The following FCRL5 variants were observed in gnomAD, a reference collection of about 807,000 sequenced individuals.
FCRL5 encodes the protein Fc receptor like 5.
Under a neutral mutation model 92.1 loss-of-function variants are expected in FCRL5, and 79 were observed. The observed-to-expected ratio is 0.86, with a 90% CI of 0.72 to 1.03. The LOEUF (loss-of-function observed/expected upper bound fraction) is 1.03. Among genes scored for constraint, FCRL5 ranks in the 50% least tolerant of loss-of-function variants. FCRL5 has a pLI of 0.00. For missense variants in FCRL5, 1,160 were observed against 1,181.1 expected (o/e 0.98, Z 0.26); for synonymous variants, 466 against 469.3 (o/e 0.99, Z 0.09).
intron 1 of FCRL5, 99 bp downstream of exon 1, chr1:157,552,233 T>C: frequency 8.5e-7 from 1 of 1,176,194 alleles, no homozygotes; most frequent in East Asian, 2.3e-5. Context: ...GGAGAGAGTC[T>C]CTCAGCAGGG....
At chr1:157,535,099 CTCT>C (rs981400066) in intron 7 of FCRL5, among the ~76,000 whole-genome samples, 4 of 152,186 alleles carry the variant, frequency 2.6e-5, no homozygotes, top group African/African-American at 4.8e-5. Flanking sequence ...GACCAATACT[CTCT>C]TCTTCTCTCA....
At chr1:157,545,616 T>A (rs1228737221) in intron 3 of FCRL5, among the ~76,000 whole-genome samples, 1 of 137,386 alleles carries the variant, frequency 7.3e-6, no homozygotes, top group African/African-American at 2.7e-5. Flanking sequence ...GCAAGCTCCA[T>A]CTCCCGGGTT....
In FCRL5 at chr1:157,521,047, G is replaced by A; in HGVS notation, c.2485C>T (p.Arg829Cys). ...CEADNGLGAQRSETVTLYITG... is the reference protein window; with the variant it reads ...CEADNGLGAQCSETVTLYITG... ...ATATAAAGTGTCACTGTCTCACTGC[G>A]CTGGGCCCCGAGGCCATTGTCGGCC... Residue 829 changes from arginine (R) to cysteine (C), a missense_variant, in exon 11 of 17, where the codon CGC becomes TGC. Transcript: ENST00000361835. 7 of 1,613,122 alleles carry A rather than the reference G, an allele frequency of 4.3e-6. No individual in the cohort carries two copies. Among genetic ancestry groups the A allele is most frequent in the African/African-American group, 1.3e-5 (1 of 74,994 alleles).
At chr1:157,529,694 A>C (rs898395191) in intron 8 of FCRL5, among the ~76,000 whole-genome samples, 3 of 152,226 alleles carry the variant, frequency 2.0e-5, no homozygotes, top group African/African-American at 7.2e-5. Flanking sequence ...GTTGGAGACC[A>C]TTATTCTAAG....
rs2012199 is a variant in FCRL5, at chr1:157,539,235, C to A, written c.1253G>T (p.Gly418Val). Residue 418 changes from glycine to valine, a missense_variant, in exon 7 of 17, where the codon GGT (glycine) becomes GTT (valine). Gly to Val is a moderately radical substitution (Grantham distance 109). Coordinates refer to ENST00000361835, the MANE Select transcript of FCRL5 (RefSeq NM_031281.3). ...LPILYQFHHEGAALERRSANS... is the reference protein window; with the variant it reads ...LPILYQFHHEVAALERRSANS... The stretch of plus-strand genomic sequence containing the variant: ...GGCCGACCTACGCTCCAGGGCAGCA[C>A]CCTCATGATGAAACTGGTACAGGAT... The A allele has an allele frequency of 1.9e-6, 3 of 1,613,964 alleles. No homozygotes were observed. Among genetic ancestry groups the A allele is most frequent in the Non-Finnish European group, 2.5e-6 (3 of 1,180,022 alleles).
intron 8 of FCRL5, chr1:157,528,118 G>T: frequency 2.5e-6 from 1 of 399,498 alleles, no homozygotes. Flanking sequence ...GTTCAGTAAA[G>T]TTTCAGGATA....
In FCRL5 at chr1:157,527,659, G is replaced by A; in HGVS notation, c.1918C>T (p.Leu640=). 6.2e-7 allele frequency: 1 copy of A among 1,613,924 alleles called. No homozygotes were observed. Among genetic ancestry groups the A allele is most frequent in the Non-Finnish European group, 8.5e-7 (1 of 1,179,866 alleles). ...GNYSCEANNG[L]VAQHSDTISL... ...ATTGTGTCACTGTGCTGGGCCACTA[G>A]GCCATTGTTGGCCTCACATGAGTAG... is the stretch of plus-strand genomic sequence containing the variant. The change falls in exon 9 of 17, where the codon CTA becomes TTA. Residue 640 remains leucine, a synonymous_variant. Transcript: ENST00000361835.
At position 157,542,967 on chromosome 1, in the gene FCRL5, C is replaced by T. The variant is rs1427355913; in HGVS notation, c.1015G>A (p.Ala339Thr). ...RHKSVRCERG[A>T]SISFSLTTEN... ...GTAGTCAGTGAGAAGCTGATGGATG[C>T]TCCCCTTTCACAGCGGACTGACTTG... Residue 339 changes from alanine (A) to threonine (T), a missense_variant, in exon 6 of 17, where the codon GCA becomes ACA. Ala to Thr is a moderately conservative substitution (Grantham distance 58, BLOSUM62 0). Coordinates refer to ENST00000361835, the MANE Select transcript of FCRL5 (RefSeq NM_031281.3). 2 of 1,614,104 alleles carry T rather than the reference C, an allele frequency of 1.2e-6. No homozygotes were observed. Among genetic ancestry groups the T allele is most frequent in the African/African-American group, 1.3e-5 (1 of 74,944 alleles).
intron 15 of FCRL5, among the ~76,000 whole-genome samples, chr1:157,517,016 GA>G (rs1344346651): frequency 6.6e-6 from 1 of 152,152 alleles, no homozygotes; most frequent in Non-Finnish European, 1.5e-5. Flanking sequence ...CTTTATATAA[GA>G]AAAATTAGAA....
chr1:157,524,521 G>C lies in FCRL5; in HGVS notation c.1997C>G (p.Pro666Arg), dbSNP rs1179310352. Reference protein sequence around the residue: ...VSRPILTFRAPRAQAVVGDLL... With the variant: ...VSRPILTFRARRAQAVVGDLL... ...GTCCCCCACCACAGCCTGGGCCCTG[G>C]GAGCCCTGAAGGTGAGGATGGGACG... Residue 666 changes from proline to arginine, a missense_variant, in exon 10 of 17, where the codon CCC (proline) becomes CGC (arginine). Coordinates refer to ENST00000361835, the MANE Select transcript of FCRL5 (RefSeq NM_031281.3). 1 of 1,612,946 alleles carries C rather than the reference G, an allele frequency of 6.2e-7. No individual in the cohort carries two copies. The highest frequency in any genetic ancestry group is 2.2e-5 in the East Asian group (1 of 44,882).
chr1:157,547,105 A>C lies in FCRL5; in HGVS notation c.145T>G (p.Phe49Val). 1.9e-6 allele frequency: 3 copies of C among 1,614,172 alleles called. No individual in the cohort carries two copies. The highest frequency in any genetic ancestry group is 2.5e-6 in the Non-Finnish European group (3 of 1,180,040). ...RVTLTCKGFRFYSPQKTKWYH... is the reference protein window; with the variant it reads ...RVTLTCKGFRVYSPQKTKWYH... ...CATTTTGTTTTCTGTGGTGAGTAGA[A>C]GCGAAATCCCTTGCAAGTGAGGGTC... Residue 49 changes from phenylalanine (F) to valine (V), a missense_variant, in exon 3 of 17, where the codon TTC becomes GTC. Physicochemically the swap from Phe to Val is conservative, Grantham distance 50. Coordinates refer to ENST00000361835, the MANE Select transcript of FCRL5 (RefSeq NM_031281.3).
rs1274037577 is a variant in FCRL5, at chr1:157,514,987, C to T, written c.*688G>A. On this transcript the variant is annotated 3_prime_UTR_variant, in exon 17 of 17. Coordinates refer to ENST00000361835, the MANE Select transcript of FCRL5 (RefSeq NM_031281.3). Reference sequence around the variant, plus strand: ...CTCCTGGCCTTGACTTGCTGGGTTACTTCTGTTAGGATGGGAAGAACTTGG... The same window carrying T: ...CTCCTGGCCTTGACTTGCTGGGTTATTTCTGTTAGGATGGGAAGAACTTGG... 6.5e-6 allele frequency: 1 copy of T among 154,138 alleles called. No individual in the cohort carries two copies. The highest frequency in any genetic ancestry group is 1.4e-5 in the Non-Finnish European group (1 of 69,396). The allele number at this position is 154,138 out of a possible 1,614,324, so 9.5% of individuals were successfully genotyped here. A position where few individuals can be genotyped will look rare whatever the true frequency, so the allele number is the denominator to read the frequency against.
chr1:157,536,355 G>A (rs1650971307), intron 7 of FCRL5, among the ~76,000 whole-genome samples: 1 of 152,220 alleles, frequency 6.6e-6, no homozygotes, highest in South Asian at 2.1e-4. Flanking sequence ...CACTCTCACA[G>A]TGAGTGCCTT....
chr1:157,517,868 C>A (rs1311156014), intron 15 of FCRL5, among the ~76,000 whole-genome samples: 1 of 152,010 alleles, frequency 6.6e-6, no homozygotes, highest in Non-Finnish European at 1.5e-5. Flanking sequence ...GGAGGTGGAG[C>A]CTTTGGGTGA....
intron 15 of FCRL5, among the ~76,000 whole-genome samples, chr1:157,517,418 A>G (rs1448813223): frequency 6.6e-6 from 1 of 152,218 alleles, no homozygotes; most frequent in Admixed American, 6.5e-5. Flanking sequence ...AGATGTGATT[A>G]GGATTACAGA....
Position 157,518,447 on chromosome 1 carries a change from C to G in FCRL5, c.2794G>C (p.Glu932Gln). The change falls in exon 15 of 17, where the codon GAG becomes CAG. Residue 932 changes from glutamate (E) to glutamine (Q), a missense_variant. Glu to Gln is a conservative substitution (Grantham distance 29). Transcript: ENST00000361835. Reference sequence around the variant, plus strand: ...GTCTTACCTGCATGTTTCTTTTTCTCTTGGATGATCCGTACTTCTGAGTAA... The same window carrying G: ...GTCTTACCTGCATGTTTCTTTTTCTGTTGGATGATCCGTACTTCTGAGTAA... ...VVYSEVRIIQ[E>Q]KKKHAVASDP... 2 of 1,614,116 alleles carry G rather than the reference C, an allele frequency of 1.2e-6. No homozygotes were observed. Among genetic ancestry groups the G allele is most frequent in the Non-Finnish European group, 1.7e-6 (2 of 1,179,960 alleles).
intron 2 of FCRL5, 50 bp downstream of exon 2, chr1:157,549,510 G>C (rs1651714500): frequency 6.4e-7 from 1 of 1,557,934 alleles, no homozygotes; most frequent in Non-Finnish European, 8.8e-7. Flanking sequence ...TTATTAGGAA[G>C]AGACACTCTT....
chr1:157,523,120 C>T (rs1194714474), intron 10 of FCRL5, among the ~76,000 whole-genome samples: 1 of 152,144 alleles, frequency 6.6e-6, no homozygotes, highest in East Asian at 1.9e-4. Context: ...GTTAGCATGC[C>T]CAGATCAACC....
At chr1:157,542,663 A>G (rs3897288) in intron 6 of FCRL5, 196 bp downstream of exon 6, 636,411 of 638,352 alleles carry the variant, frequency 1, 317,268 homozygotes, top group East Asian at 1. Context: ...GCAGGGGTAT[A>G]AGGGCACCTA....
Sources: allele counts gnomAD v4.1 joint callset (sites outside exome capture counted in the v4.1 genomes callset), GRCh38; gene constraint gnomAD v4.1.1; transcripts MANE v1.5; gene names NCBI Gene and HGNC (gene_info 2026-07-23, HGNC 2026-07-21).